Variants in CNTNAP5 observed in about 807,000 individuals in gnomAD.
The protein encoded by CNTNAP5 is contactin-associated protein-like 5.
A neutral mutation model predicts 150.2 loss-of-function variants in CNTNAP5; 72 were observed. The ratio of observed to expected loss-of-function variants is 0.48; its 90% CI spans 0.40 to 0.58. CNTNAP5 has a LOEUF of 0.58. Ranked by LOEUF, CNTNAP5 falls within the 20% of genes least tolerant of loss-of-function variation. CNTNAP5 has a pLI of 0.00. For missense variants in CNTNAP5, 1,636 were observed against 1,626.2 expected, an observed-to-expected ratio of 1.01 and a Z score of -0.10; for synonymous variants, 672 against 619.8, an observed-to-expected ratio of 1.08 and a Z score of -1.25.
chr2:124,453,399 C>T (rs1213646049), intron 6 of CNTNAP5, among the ~76,000 whole-genome samples: 1 of 152,060 alleles, frequency 6.6e-6, no homozygotes, highest in East Asian at 1.9e-4. Flanking sequence ...AACAATCAAA[C>T]CTAAGAATAA....
intron 3 of CNTNAP5, among the ~76,000 whole-genome samples, chr2:124,379,349 G>T (rs898906167): frequency 1.3e-5 from 2 of 151,804 alleles, no homozygotes; most frequent in African/African-American, 4.8e-5. Context: ...TCCCTCCCCT[G>T]ACCCCCAGCA....
At chr2:124,162,107 T>C (rs2104650330) in intron 1 of CNTNAP5, among the ~76,000 whole-genome samples, 1 of 152,294 alleles carries the variant, frequency 6.6e-6, no homozygotes, top group African/African-American at 2.4e-5. Context: ...TTTACTCATC[T>C]CTTATGCATA....
At chr2:124,816,434 A>G (rs1219575702) in intron 19 of CNTNAP5, among the ~76,000 whole-genome samples, 1 of 150,944 alleles carries the variant, frequency 6.6e-6, no homozygotes, top group Non-Finnish European at 1.5e-5. Flanking sequence ...AAAGGCCACG[A>G]AAGTTCCTTG....
chr2:124,737,464 G>A (rs1024572910), intron 13 of CNTNAP5, among the ~76,000 whole-genome samples: 3 of 152,114 alleles, frequency 2.0e-5, no homozygotes, highest in African/African-American at 7.2e-5. Context: ...GAGCATGTGC[G>A]AGGGCTGGCA....
Position 124,916,882 on chromosome 2 carries a change from C to T in CNTNAP5, c.*2594C>T, listed in dbSNP as rs77888773. The stretch of plus-strand genomic sequence containing the variant: ...TTATTTTTACAGGGTTGAATTATTT[C>T]ATAACCCCAGAGAACACTAACTTTC... On this transcript the variant is annotated 3_prime_UTR_variant, in exon 24 of 24. Coordinates refer to ENST00000682447, the MANE Select transcript of CNTNAP5 (RefSeq NM_001367498.1). 6.6e-6 allele frequency among the ~76,000 whole-genome samples: 1 copy of T among 151,988 alleles called. No individual in the cohort carries two copies. The highest frequency in any genetic ancestry group is 1.5e-5 in the Non-Finnish European group (1 of 67,976).
chr2:124,889,775 G>A (rs1678155896), intron 21 of CNTNAP5, among the ~76,000 whole-genome samples: 1 of 152,032 alleles, frequency 6.6e-6, no homozygotes, highest in South Asian at 2.1e-4. Context: ...TTTCAGATAA[G>A]GTTTGTCCTC....
chr2:124,824,175 C>T (rs895316858), intron 19 of CNTNAP5, among the ~76,000 whole-genome samples: 2 of 152,014 alleles, frequency 1.3e-5, no homozygotes, highest in Non-Finnish European at 2.9e-5. Flanking sequence ...TCCTCGGCTT[C>T]CCAAAATTCT....
At chr2:124,632,503 T>C (rs1677884952) in intron 12 of CNTNAP5, among the ~76,000 whole-genome samples, 1 of 149,188 alleles carries the variant, frequency 6.7e-6, no homozygotes, top group Non-Finnish European at 1.5e-5. Context: ...AGCTGAGCAA[T>C]GAGAATACGT....
chr2:124,184,964 G>T (rs1008710192), intron 1 of CNTNAP5, among the ~76,000 whole-genome samples: 1 of 152,136 alleles, frequency 6.6e-6, no homozygotes, highest in Non-Finnish European at 1.5e-5. Context: ...TCAAGGAGAA[G>T]TATTCAAACA....
intron 13 of CNTNAP5, among the ~76,000 whole-genome samples, chr2:124,741,027 C>T (rs1680487288): frequency 1.3e-5 from 2 of 152,148 alleles, no homozygotes; most frequent in African/African-American, 4.8e-5. Context: ...ACCCCTAAAC[C>T]CACTGCCACA....
At chr2:124,529,952 G>A (rs781215890) in intron 10 of CNTNAP5, among the ~76,000 whole-genome samples, 1 of 152,078 alleles carries the variant, frequency 6.6e-6, no homozygotes, top group Non-Finnish European at 1.5e-5. Context: ...GGCCCCAACC[G>A]GGCATCTTAC....
At chr2:124,510,339 C>CTATATATATAT (rs1694544760) in intron 8 of CNTNAP5, among the ~76,000 whole-genome samples, 1 of 16,686 alleles carries the variant, frequency 6.0e-5, no homozygotes, top group Non-Finnish European at 1.4e-4. Flanking sequence ...ATATATATCT[C>CTATATATATAT]CATATGTCAA....
intron 3 of CNTNAP5, among the ~76,000 whole-genome samples, chr2:124,259,173 C>T (rs1330239499): frequency 6.6e-6 from 1 of 152,126 alleles, no homozygotes; most frequent in African/African-American, 2.4e-5. Flanking sequence ...CATGTCCCTA[C>T]AAAGGACATG....
At chr2:124,801,206 G>A (rs1681959271) in intron 19 of CNTNAP5, among the ~76,000 whole-genome samples, 1 of 152,116 alleles carries the variant, frequency 6.6e-6, no homozygotes, top group African/African-American at 2.4e-5. Context: ...GTAATTACTA[G>A]TCAAACTGCA....
intron 7 of CNTNAP5, among the ~76,000 whole-genome samples, chr2:124,502,337 G>A (rs1446952361): frequency 6.6e-6 from 1 of 152,124 alleles, no homozygotes; most frequent in African/African-American, 2.4e-5. Flanking sequence ...AGAATCTCAG[G>A]TCCTCTACTC....
intron 6 of CNTNAP5, among the ~76,000 whole-genome samples, chr2:124,474,238 G>A (rs1693587817): frequency 6.6e-6 from 1 of 151,948 alleles, no homozygotes; most frequent in Non-Finnish European, 1.5e-5. Flanking sequence ...AAACTATATA[G>A]AACATTTGGA....
chr2:124,809,387 T>TTTAA (rs1682155447), intron 19 of CNTNAP5, among the ~76,000 whole-genome samples: 1 of 18,344 alleles, frequency 5.5e-5, no homozygotes, highest in East Asian at 2.4e-3. Context: ...ATGGTATTTA[T>TTTAA]TTATTTATTT....
At chr2:124,535,267 G>A (rs569615527) in intron 10 of CNTNAP5, among the ~76,000 whole-genome samples, 1 of 152,296 alleles carries the variant, frequency 6.6e-6, no homozygotes, top group Admixed American at 6.5e-5. Context: ...GGCAAAGTCA[G>A]ATATGGAAGC....
At chr2:124,833,123 TG>T (rs1682752290) in intron 19 of CNTNAP5, among the ~76,000 whole-genome samples, 1 of 152,060 alleles carries the variant, frequency 6.6e-6, no homozygotes, top group South Asian at 2.1e-4. Context: ...TTGCCCAGGC[TG>T]GTCTCAAACT....
Sources: allele counts gnomAD v4.1 joint callset (sites outside exome capture counted in the v4.1 genomes callset), GRCh38; gene constraint gnomAD v4.1.1; transcripts MANE v1.5; gene names NCBI Gene and HGNC (gene_info 2026-07-23, HGNC 2026-07-21).